TRPM1: variants seen among roughly 807,000 people sequenced by gnomAD.
TRPM1 encodes TRPM1-203 APA Isoform, Intron 10.
Under a neutral mutation model 149.4 loss-of-function variants are expected in TRPM1, and 113 were observed. The observed-to-expected ratio is 0.76, with a 90% CI of 0.65 to 0.88. The LOEUF (loss-of-function observed/expected upper bound fraction) is 0.88. Ranked by LOEUF, TRPM1 falls within the 40% of genes least tolerant of loss-of-function variation. The pLI is 0.00. For missense variants in TRPM1, 1,976 were observed against 2,038.7 expected (o/e 0.97, Z 0.59); for synonymous variants, 741 against 759.5 (o/e 0.98, Z 0.40).
intron 1 of TRPM1, among the ~76,000 whole-genome samples, chr15:31,144,352 A>T (rs1169862905): frequency 6.6e-6 from 1 of 152,164 alleles, no homozygotes; most frequent in Non-Finnish European, 1.5e-5. Context: ...TGGGAGGATC[A>T]CTTGAGCTGG....
chr15:31,111,775 G>T (rs1237943637), intron 1 of TRPM1, among the ~76,000 whole-genome samples: 4 of 152,118 alleles, frequency 2.6e-5, no homozygotes, highest in Non-Finnish European at 5.9e-5. Flanking sequence ...GGGAGAGCTC[G>T]TAACAGTCTT....
In TRPM1 at chr15:31,146,858, C is replaced by T. The variant is rs180934783; in HGVS notation, c.54+14048G>A. ...AAAAAATTAGCTGGGCGTGGTAGCA[C>T]ATGCCTGTAATCCCAGCTACTTGGG... is the stretch of plus-strand genomic sequence containing the variant. On this transcript the variant is annotated intron_variant, in intron 1 of 26. Coordinates refer to the TRPM1 transcript ENST00000542188. Among the ~76,000 whole-genome samples the T allele has an allele frequency of 2.8e-3, 427 of 152,270 alleles. 1 individual carries two copies. The highest frequency in any genetic ancestry group is 9.5e-3 in the African/African-American group (393 of 41,546).
intron 1 of TRPM1, among the ~76,000 whole-genome samples, chr15:31,149,711 G>C (rs552810560): frequency 2.4e-4 from 37 of 152,166 alleles, no homozygotes; most frequent in Non-Finnish European, 4.7e-4. Flanking sequence ...AGTAGAGACG[G>C]GGTTTCACCG....
At chr15:31,133,652 A>G (rs1026930531) in intron 1 of TRPM1, among the ~76,000 whole-genome samples, 1 of 151,182 alleles carries the variant, frequency 6.6e-6, no homozygotes, top group Non-Finnish European at 1.5e-5. Context: ...ACGACACTCC[A>G]GCCTAGGTGA....
intron 7 of TRPM1, among the ~76,000 whole-genome samples, chr15:31,064,118 G>A (rs755128191): frequency 6.6e-6 from 1 of 152,216 alleles, no homozygotes; most frequent in African/African-American, 2.4e-5. Flanking sequence ...TGTAAAAGGT[G>A]AACAATCACA....
chr15:31,100,288 G>C (rs1357447536), intron 1 of TRPM1, among the ~76,000 whole-genome samples: 1 of 151,794 alleles, frequency 6.6e-6, no homozygotes, highest in African/African-American at 2.4e-5. Flanking sequence ...TGTTGGCTAG[G>C]ATGGTCTCTA....
At chr15:31,145,419 C>T (rs1228803428) in intron 1 of TRPM1, among the ~76,000 whole-genome samples, 1 of 152,208 alleles carries the variant, frequency 6.6e-6, no homozygotes, top group African/African-American at 2.4e-5. Flanking sequence ...TAGAATTTCA[C>T]AATCCGTATC....
At chr15:31,017,240 C>T (rs532453129) in intron 27 of TRPM1, among the ~76,000 whole-genome samples, 5 of 152,178 alleles carry the variant, frequency 3.3e-5, no homozygotes, top group Admixed American at 1.3e-4. Flanking sequence ...ACCCGGGAGG[C>T]GGAGGTTGCA....
chr15:31,113,688 T>C (rs898381075), intron 1 of TRPM1, among the ~76,000 whole-genome samples: 2 of 152,348 alleles, frequency 1.3e-5, no homozygotes, highest in Middle Eastern at 3.4e-3. Context: ...TTAAGACTAC[T>C]GTGCCCATAG....
In TRPM1 at chr15:31,028,436, C is replaced by G; in HGVS notation, c.3189G>C (p.Arg1063=). 1.9e-6 allele frequency: 3 copies of G among 1,614,088 alleles called. No homozygotes were observed. Among genetic ancestry groups the G allele is most frequent in the Non-Finnish European group, 2.5e-6 (3 of 1,180,026 alleles). ...AGGCGCCGGGGATACAGGGAGGAAG[C>G]CGCTTGCCCTCCTCATCATATAGGT... ...GENLYDEEGK[R]LPPCIPGAWL... Residue 1063 remains arginine, a synonymous_variant, in exon 25 of 28, where the codon CGG becomes CGC. Transcript: ENST00000256552.
chr15:31,032,990 C>G (rs747706378), intron 21 of TRPM1, 50 bp from the exon 22 acceptor site: 1 of 1,611,366 alleles, frequency 6.2e-7, no homozygotes, highest in Non-Finnish European at 8.5e-7. Flanking sequence ...TATTAGAAGT[C>G]TTGTCTTAGA....
At chr15:31,097,738 C>G (rs2035422812) in intron 1 of TRPM1, among the ~76,000 whole-genome samples, 1 of 152,042 alleles carries the variant, frequency 6.6e-6, no homozygotes, top group South Asian at 2.1e-4. Context: ...TCTACAGGAA[C>G]AAACTTCCCG....
intron 20 of TRPM1, 138 bp downstream of exon 20, chr15:31,037,573 C>T (rs966181195): frequency 5.0e-6 from 6 of 1,198,532 alleles, no homozygotes; most frequent in Non-Finnish European, 6.0e-6. Flanking sequence ...CTCAATTAGT[C>T]CCAGTTTTGT....
intron 1 of TRPM1, among the ~76,000 whole-genome samples, chr15:31,114,000 G>T (rs976684358): frequency 1.3e-5 from 2 of 152,140 alleles, no homozygotes; most frequent in Admixed American, 6.5e-5. Context: ...GTGCTGATTG[G>T]TCCATTTTAC....
At chr15:31,104,826 C>A (rs1326238918), upstream of TRPM1, among the ~76,000 whole-genome samples, 2 of 151,976 alleles carry the variant, frequency 1.3e-5, no homozygotes, top group Admixed American at 6.6e-5. Flanking sequence ...AATCTCCTGA[C>A]CTTGTGATCC....
At chr15:31,048,360 A>C (rs748654747) in intron 13 of TRPM1, among the ~76,000 whole-genome samples, 1 of 152,218 alleles carries the variant, frequency 6.6e-6, no homozygotes, top group Non-Finnish European at 1.5e-5. Flanking sequence ...TGAGAGCTGG[A>C]GTGTAACCCA....
chr15:31,112,539 G>A (rs1267564908), intron 1 of TRPM1, among the ~76,000 whole-genome samples: 3 of 152,222 alleles, frequency 2.0e-5, no homozygotes, highest in Non-Finnish European at 2.9e-5. Flanking sequence ...TTGCTTAGCA[G>A]AGGTTTCTCC....
At position 31,089,791 on chromosome 15, in the gene TRPM1, T is replaced by G. The variant is rs532703759; in HGVS notation, c.-83-8353A>C. On this transcript the variant is annotated intron_variant, in intron 1 of 27. Coordinates refer to ENST00000256552, the MANE Select transcript of TRPM1 (RefSeq NM_001252024.2). Reference sequence around the variant, plus strand: ...TTTCCTCAACATGGTGTCCCCAAAGTGCATAAGCTTTTGGGCCCCAGAACA... The same window carrying G: ...TTTCCTCAACATGGTGTCCCCAAAGGGCATAAGCTTTTGGGCCCCAGAACA... 3.0e-4 allele frequency among the ~76,000 whole-genome samples: 45 copies of G among 152,266 alleles called. No homozygotes were observed. In the South Asian group the frequency reaches 7.5e-3, roughly 25 times the overall value.
rs769743407 is a variant in TRPM1, at chr15:31,001,814, A to G, written c.*8T>C. 1 of 1,607,544 alleles carries G rather than the reference A, an allele frequency of 6.2e-7. No individual in the cohort carries two copies. Among genetic ancestry groups the G allele is most frequent in the Non-Finnish European group, 8.5e-7 (1 of 1,179,374 alleles). ...TGTTAAAAAAAAAAATTAAAGAAACAAAACAGACTAGCATTCAGTTTCTGT... is the reference window on the plus strand; with the variant it reads ...TGTTAAAAAAAAAAATTAAAGAAACGAAACAGACTAGCATTCAGTTTCTGT... On this transcript the variant is annotated 3_prime_UTR_variant, in exon 28 of 28. Coordinates refer to ENST00000256552, the MANE Select transcript of TRPM1 (RefSeq NM_001252024.2).
Sources: allele counts gnomAD v4.1 joint callset (sites outside exome capture counted in the v4.1 genomes callset), GRCh38; gene constraint gnomAD v4.1.1; transcripts MANE v1.5; gene names NCBI Gene and HGNC (gene_info 2026-07-23, HGNC 2026-07-21).